Variants in SOBP observed in about 807,000 individuals in gnomAD.
SOBP encodes the protein sine oculis binding protein homolog.
SOBP carries 4 observed loss-of-function variants against 53.6 expected under a neutral mutation model. The ratio of observed to expected loss-of-function variants is 0.07; its 90% CI spans 0.04 to 0.17. SOBP has a LOEUF of 0.17. SOBP is among the 10% of genes least tolerant of loss of function. The pLI is 1.00. For synonymous variants in SOBP, 584 were observed against 522.6 expected, an observed-to-expected ratio of 1.12 and a Z score of -1.60; for missense variants, 1,088 against 1,204.7, an observed-to-expected ratio of 0.90 and a Z score of 1.43.
chr6:107,500,505 T>G (rs928030438), intron 1 of SOBP, among the ~76,000 whole-genome samples: 5 of 152,094 alleles, frequency 3.3e-5, no homozygotes, highest in Non-Finnish European at 5.9e-5. Flanking sequence ...AAACTTCACC[T>G]TGAAATTTAA....
intron 3 of SOBP, among the ~76,000 whole-genome samples, chr6:107,512,611 C>G (rs528692254): frequency 4.2e-4 from 64 of 152,338 alleles, no homozygotes; most frequent in Middle Eastern, 3.4e-3. Flanking sequence ...GTTTGGGTCT[C>G]CCCACCTTGT....
In SOBP at chr6:107,533,480, AAAT is replaced by A. The variant is rs751853237; in HGVS notation, c.447_449del (p.Ile149del). On this transcript the variant is annotated inframe_deletion, in exon 4 of 7. Coordinates refer to ENST00000317357, the MANE Select transcript of SOBP (RefSeq NM_018013.4). The stretch of plus-strand genomic sequence containing the variant: ...ATAGAAGATGATGTGTCAAATGTAC[AAAT>A]AATGTGTGCCTGGTGCCAGAAAGTG... 2 of 1,614,144 alleles carry A rather than the reference AAAT, an allele frequency of 1.2e-6. No individual in the cohort carries two copies. Among genetic ancestry groups the A allele is most frequent in the Non-Finnish European group, 1.7e-6 (2 of 1,180,016 alleles).
At chr6:107,565,931 C>T (rs77115282) in intron 4 of SOBP, among the ~76,000 whole-genome samples, 11,030 of 152,248 alleles carry the variant, frequency 0.072, 596 homozygotes, top group East Asian at 0.16. Flanking sequence ...TAATGTTGTA[C>T]TTTTCCCCAG....
intron 6 of SOBP, among the ~76,000 whole-genome samples, chr6:107,641,046 G>A (rs1562122457): frequency 2.6e-5 from 4 of 152,210 alleles, no homozygotes; most frequent in Admixed American, 1.3e-4. Flanking sequence ...GGGAGAAGAC[G>A]TCCATAGATT....
At chr6:107,551,519 A>G (rs1217285250) in intron 4 of SOBP, among the ~76,000 whole-genome samples, 1 of 152,194 alleles carries the variant, frequency 6.6e-6, no homozygotes, top group East Asian at 1.9e-4. Context: ...TTTTCATACA[A>G]TTATGTCACA....
intron 1 of SOBP, among the ~76,000 whole-genome samples, chr6:107,494,092 T>G (rs1026612931): frequency 1.3e-5 from 2 of 152,362 alleles, no homozygotes; most frequent in Admixed American, 6.5e-5. Flanking sequence ...CCTTTTCTTC[T>G]TCCCTTATCC....
intron 4 of SOBP, among the ~76,000 whole-genome samples, chr6:107,564,662 A>G (rs1002053222): frequency 2.0e-5 from 3 of 151,228 alleles, no homozygotes; most frequent in African/African-American, 7.4e-5. Context: ...TGGGGGCACA[A>G]ACCTGAGTGG....
chr6:107,508,591 A>C (rs762754895), intron 3 of SOBP, among the ~76,000 whole-genome samples: 1 of 152,162 alleles, frequency 6.6e-6, no homozygotes, highest in Non-Finnish European at 1.5e-5. Flanking sequence ...AAAAAGAAAA[A>C]AAAAAGTCCT....
chr6:107,643,471 CA>C (rs1230917833), intron 6 of SOBP, among the ~76,000 whole-genome samples: 1 of 152,048 alleles, frequency 6.6e-6, no homozygotes, highest in Non-Finnish European at 1.5e-5. Context: ...GGCTGGAGTG[CA>C]GTGACGCGAT....
At chr6:107,565,945 G>GT (rs1270843831) in intron 4 of SOBP, among the ~76,000 whole-genome samples, 2 of 152,190 alleles carry the variant, frequency 1.3e-5, no homozygotes, top group African/African-American at 4.8e-5. Context: ...TCCCCAGTGG[G>GT]TTTCAGCTCA....
chr6:107,618,996 G>C (rs750691652), intron 5 of SOBP, among the ~76,000 whole-genome samples: 2 of 152,198 alleles, frequency 1.3e-5, no homozygotes, highest in African/African-American at 4.8e-5. Context: ...AGGGGCGGGG[G>C]AGCACTGAGG....
intron 4 of SOBP, among the ~76,000 whole-genome samples, chr6:107,564,734 A>G (rs1013753333): frequency 1.3e-5 from 2 of 152,184 alleles, no homozygotes; most frequent in Non-Finnish European, 2.9e-5. Flanking sequence ...TTTATTTTTC[A>G]ACTTGAAACT....
At chr6:107,606,711 G>A (rs1390920026) in intron 5 of SOBP, among the ~76,000 whole-genome samples, 4 of 152,228 alleles carry the variant, frequency 2.6e-5, no homozygotes, top group South Asian at 2.1e-4. Flanking sequence ...GGGCGGCAGC[G>A]CCCTCACTGG....
intron 5 of SOBP, among the ~76,000 whole-genome samples, chr6:107,603,126 C>A (rs1380269049): frequency 1.3e-5 from 2 of 152,146 alleles, no homozygotes; most frequent in Admixed American, 6.5e-5. Context: ...TGTGGTAAGC[C>A]TTCCTGGTCA....
chr6:107,611,274 G>A (rs948273300), intron 5 of SOBP, among the ~76,000 whole-genome samples: 1 of 152,222 alleles, frequency 6.6e-6, no homozygotes, highest in Admixed American at 6.5e-5. Context: ...TCCCAGAGAG[G>A]GGAAGAAAGA....
chr6:107,605,704 A>G (rs184298031), intron 5 of SOBP, among the ~76,000 whole-genome samples: 9 of 152,304 alleles, frequency 5.9e-5, no homozygotes, highest in Admixed American at 2.0e-4. Context: ...AATTCACGAA[A>G]TACAGCTCTC....
chr6:107,500,134 G>A (rs1484928825), intron 1 of SOBP, among the ~76,000 whole-genome samples: 1 of 152,154 alleles, frequency 6.6e-6, no homozygotes, highest in Non-Finnish European at 1.5e-5. Context: ...GCTCACACCT[G>A]TAATTCCAGC....
chr6:107,588,805 CATT>C (rs1028329096), intron 5 of SOBP, among the ~76,000 whole-genome samples: 6 of 152,182 alleles, frequency 3.9e-5, no homozygotes, highest in South Asian at 2.1e-4. Context: ...TGCTTAAACA[CATT>C]GTTGTGTTGG....
intron 6 of SOBP, among the ~76,000 whole-genome samples, chr6:107,653,248 A>G (rs890205561): frequency 6.6e-6 from 1 of 152,228 alleles, no homozygotes; most frequent in Non-Finnish European, 1.5e-5. Flanking sequence ...TGTGGGGACC[A>G]CTATCTGGCA....
Sources: allele counts gnomAD v4.1 joint callset (sites outside exome capture counted in the v4.1 genomes callset), GRCh38; gene constraint gnomAD v4.1.1; transcripts MANE v1.5; gene names NCBI Gene and HGNC (gene_info 2026-07-23, HGNC 2026-07-21).